The following CSPP1 variants were observed in gnomAD, a reference collection of about 807,000 sequenced individuals.
CSPP1 encodes centrosome and spindle pole-associated protein 1.
Under a neutral mutation model 164.4 loss-of-function variants are expected in CSPP1, and 126 were observed. The observed-to-expected ratio is 0.77, with a 90% CI of 0.66 to 0.89. The LOEUF is 0.89. CSPP1 is among the 40% of genes least tolerant of loss of function. The pLI, the probability that CSPP1 is intolerant of heterozygous loss-of-function variation, is 0.00. For synonymous variants in CSPP1, 472 were observed against 476.7 expected, an observed-to-expected ratio of 0.99 and a Z score of 0.13; for missense variants, 1,395 against 1,449.8, an observed-to-expected ratio of 0.96 and a Z score of 0.61.
chr8:67,194,363 CTG>C (rs1837280815), intron 30 of CSPP1, among the ~76,000 whole-genome samples: 1 of 152,142 alleles, frequency 6.6e-6, no homozygotes, highest in Non-Finnish European at 1.5e-5. Flanking sequence ...TAATTTAAAA[CTG>C]TACTCATATA....
intron 15 of CSPP1, among the ~76,000 whole-genome samples, chr8:67,128,203 A>AT (rs1820481101): frequency 6.6e-6 from 1 of 152,222 alleles, no homozygotes; most frequent in African/African-American, 2.4e-5. Flanking sequence ...AAATTGTTTT[A>AT]TTAACTGTCT....
chr8:67,166,505 A>C (rs977163991), intron 24 of CSPP1, among the ~76,000 whole-genome samples: 1 of 152,292 alleles, frequency 6.6e-6, no homozygotes, highest in Non-Finnish European at 1.5e-5. Flanking sequence ...GAAACAAGGT[A>C]AACAAGGTGA....
At chr8:67,083,548 A>AAAAAAAATATATATATAT (rs1332248754) in intron 3 of CSPP1, 2 of 91,502 alleles carry the variant, frequency 2.2e-5, no homozygotes, top group African/African-American at 8.9e-5. Context: ...AAAAAAAAAA[A>AAAAAAAATATATATATAT]ATATATATAT....
At chr8:67,101,361 C>G (rs1193403769) in intron 7 of CSPP1, among the ~76,000 whole-genome samples, 22 of 152,190 alleles carry the variant, frequency 1.4e-4, no homozygotes, top group Non-Finnish European at 2.9e-5. Flanking sequence ...TTCCCAGGTG[C>G]CAGCCAAGGG....
intron 4 of CSPP1, 171 bp downstream of exon 4, chr8:67,086,281 A>G: frequency 2.9e-6 from 2 of 694,378 alleles, no homozygotes; most frequent in Non-Finnish European, 5.3e-6. Flanking sequence ...AGAAAAAAAT[A>G]TTGCTGAGAA....
chr8:67,141,244 CATT>C (rs1455430648), intron 17 of CSPP1, among the ~76,000 whole-genome samples: 1 of 152,092 alleles, frequency 6.6e-6, no homozygotes, highest in African/African-American at 2.4e-5. Context: ...AGTTATAAAA[CATT>C]ATTTTAGAAT....
rs1822580151 is a variant in CSPP1, at chr8:67,137,472, A to G, written c.1844A>G (p.Glu615Gly). 2 of 1,532,692 alleles carry G rather than the reference A, an allele frequency of 1.3e-6. No individual in the cohort carries two copies. The highest frequency in any genetic ancestry group is 1.7e-4 in the Middle Eastern group (1 of 5,814). 94.9% of individuals were successfully genotyped at this position (1,532,692 alleles called of 1,614,324 possible). ...GTTGTCAAGATTCGGGAAAGAGAAGAAAGAAGGAAGAAAGAACGTGAAGAA... is the reference window on the plus strand; with the variant it reads ...GTTGTCAAGATTCGGGAAAGAGAAGGAAGAAGGAAGAAAGAACGTGAAGAA... ...ALQQQIRERE[E>G]RRKKEREEKE... The change falls in exon 17 of 31, where the codon GAA (glutamate) becomes GGA (glycine). Residue 615 changes from glutamate (E) to glycine (G), a missense_variant. Physicochemically the swap from Glu to Gly is moderately conservative, Grantham distance 98. Transcript: ENST00000678616.
At chr8:67,164,344 T>C (rs773129147) in intron 23 of CSPP1, 47 bp from the exon 24 acceptor site, 1 of 889,852 alleles carries the variant, frequency 1.1e-6, no homozygotes, top group Non-Finnish European at 1.9e-6. Flanking sequence ...TTTAGTCTTT[T>C]GTTCTTATTC....
chr8:67,133,861 T>C (rs1821731231), intron 16 of CSPP1: 1 of 152,226 alleles, frequency 6.6e-6, no homozygotes, highest in African/African-American at 2.4e-5. Flanking sequence ...ACAACATCTT[T>C]ACCAAGAGTA....
At chr8:67,184,093 T>TC (rs1563778247) in intron 28 of CSPP1, among the ~76,000 whole-genome samples, 1 of 152,062 alleles carries the variant, frequency 6.6e-6, no homozygotes, top group East Asian at 1.9e-4. Context: ...CCTCAGGTGA[T>TC]CCCCCGGCCT....
chr8:67,195,369 T>G lies in CSPP1; in HGVS notation c.3470-13T>G, dbSNP rs763195750. 6.2e-7 allele frequency: 1 copy of G among 1,603,018 alleles called. No individual in the cohort carries two copies. The highest frequency in any genetic ancestry group is 2.2e-5 in the East Asian group (1 of 44,832). ...CTGTGTTACCTGAGCCACGTGTCCC[T>G]TGCCTCCTGTAGATGATGAGAGTTC... On this transcript the variant is annotated splice_polypyrimidine_tract_variant and intron_variant, in intron 30 of 30. Transcript: ENST00000678616.
rs1193656115 is a variant in CSPP1, at chr8:67,095,550, A to G, written c.741A>G (p.Gln247=). The G allele has an allele frequency of 6.2e-7, 1 of 1,613,788 alleles. No homozygotes were observed. The highest frequency in any genetic ancestry group is 1.3e-5 in the African/African-American group (1 of 74,884). Residue 247 remains glutamine (Q), a synonymous_variant, in exon 7 of 31, where the codon CAA becomes CAG. Coordinates refer to ENST00000678616, the MANE Select transcript of CSPP1 (RefSeq NM_001382391.1). Reference sequence around the variant, plus strand: ...TGGGCATTTCCAACCTAAAACATCAAAGGTTTGCAAGCAAGGCTGGCATTC... The same window carrying G: ...TGGGCATTTCCAACCTAAAACATCAGAGGTTTGCAAGCAAGGCTGGCATTC... The part of the protein sequence containing the change: ...EEVGISNLKH[Q]RFASKAGIPD...
chr8:67,168,119 A>G (rs1307750511), intron 24 of CSPP1, among the ~76,000 whole-genome samples: 1 of 152,070 alleles, frequency 6.6e-6, no homozygotes, highest in African/African-American at 2.4e-5. Flanking sequence ...ACACAGCGAA[A>G]CCCCGTTTCC....
chr8:67,075,293 AT>A (rs1807679708), intron 2 of CSPP1, among the ~76,000 whole-genome samples: 2 of 152,220 alleles, frequency 1.3e-5, no homozygotes, highest in South Asian at 4.1e-4. Context: ...TCTGTGCCAT[AT>A]GGTTCATCAT....
chr8:67,115,496 G>A (rs1001442700), intron 12 of CSPP1, among the ~76,000 whole-genome samples: 3 of 152,004 alleles, frequency 2.0e-5, no homozygotes, highest in African/African-American at 7.3e-5. Context: ...CCTTGCCAAC[G>A]TGGCGAAACC....
At chr8:67,194,566 G>GA (rs1242231900) in intron 30 of CSPP1, among the ~76,000 whole-genome samples, 3 of 151,990 alleles carry the variant, frequency 2.0e-5, no homozygotes, top group African/African-American at 7.3e-5. Context: ...AGCATTTTAA[G>GA]AATCTTTTTC....
intron 12 of CSPP1, chr8:67,114,960 T>C (rs2129550633): frequency 6.6e-6 from 1 of 152,376 alleles, no homozygotes; most frequent in Admixed American, 6.5e-5. Flanking sequence ...ACATAAGTGA[T>C]GTTCTAAAGT....
intron 7 of CSPP1, among the ~76,000 whole-genome samples, chr8:67,102,811 AATAAC>A (rs1814422880): frequency 6.6e-6 from 1 of 152,232 alleles, no homozygotes; most frequent in South Asian, 2.1e-4. Context: ...AGTACATTAA[AATAAC>A]ATAATCTTTT....
At chr8:67,079,611 T>C (rs1184234651) in intron 3 of CSPP1, among the ~76,000 whole-genome samples, 1 of 152,228 alleles carries the variant, frequency 6.6e-6, no homozygotes, top group Non-Finnish European at 1.5e-5. Flanking sequence ...TTTCTATATA[T>C]TTGCATAAAA....
Sources: gnomAD v4.1 joint callset for allele counts (sites outside exome capture counted in the v4.1 genomes callset) on GRCh38, gnomAD v4.1.1 for gene constraint, MANE v1.5 for transcripts, NCBI Gene and HGNC (gene_info 2026-07-23, HGNC 2026-07-21) for gene names.